Variants in DPP10 observed in about 807,000 individuals in gnomAD.
DPP10 encodes the protein inactive dipeptidyl peptidase 10.
A neutral mutation model predicts 120.9 loss-of-function variants in DPP10; 33 were observed. The observed-to-expected ratio is 0.27, with a 90% CI of 0.21 to 0.37. The LOEUF (loss-of-function observed/expected upper bound fraction) is 0.37. Ranked by LOEUF, DPP10 falls within the 10% of genes least tolerant of loss-of-function variation. The probability of loss-of-function intolerance (pLI) is 1.00; values close to 1 mark genes in which losing one functional copy is unlikely to be tolerated. For synonymous variants in DPP10, 337 were observed against 326.1 expected (o/e 1.03, Z -0.36); for missense variants, 816 against 942.8 (o/e 0.87, Z 1.76).
rs531347151 is a variant in DPP10, at chr2:115,183,958, G to A, written c.61-125281G>A. ...AAAGAACGCTAGTTGCAGAGCTCCT[G>A]GGGGAGACAGGAGGAGAGGTGCACA... On this transcript the variant is annotated intron_variant, in intron 1 of 25. Coordinates refer to ENST00000410059, the MANE Select transcript of DPP10 (RefSeq NM_020868.6). 3.9e-5 allele frequency among the ~76,000 whole-genome samples: 6 copies of A among 152,260 alleles called. No individual in the cohort carries two copies. The East Asian group carries it at 1.2e-3, about 29-fold the overall frequency.
At position 114,638,892 on chromosome 2, in the gene DPP10, C is replaced by G. The variant is rs181074800; in HGVS notation, c.60+196054C>G. Among the ~76,000 whole-genome samples the G allele has an allele frequency of 8.6e-5, 13 of 151,920 alleles. 1 individual carries two copies. The East Asian group carries it at 2.1e-3, about 25-fold the overall frequency. On this transcript the variant is annotated intron_variant, in intron 1 of 25. Transcript: ENST00000410059. ...CAAAACCATAGGAGCAAGTTAGGCG[C>G]CCATGAGTGGATTGGATAATGAAAA...
chr2:114,977,894 C>T (rs1334999249), intron 1 of DPP10, among the ~76,000 whole-genome samples: 1 of 146,468 alleles, frequency 6.8e-6, no homozygotes, highest in Non-Finnish European at 1.5e-5. Flanking sequence ...TATTTATTTG[C>T]TGATGGTGAA....
rs182938505 is a variant in DPP10 at position 115,358,031 on chromosome 2, G to A, written c.271+14119G>A. ...TTTTCTCCTAGCCCTCTGTGCCTGC[G>A]ATGGGAGGGGCTGCTGTGAAGGTCT... On this transcript the variant is annotated intron_variant, in intron 3 of 25. Transcript: ENST00000410059. Among the ~76,000 whole-genome samples, 1,277 of 152,196 alleles carry A rather than the reference G, an allele frequency of 8.4e-3. 17 individuals are homozygous for A. The highest frequency in any genetic ancestry group is 0.011 in the Non-Finnish European group (723 of 68,004).
chr2:115,833,313 T>G (rs1015058212), intron 21 of DPP10, among the ~76,000 whole-genome samples: 1 of 152,126 alleles, frequency 6.6e-6, no homozygotes, highest in Non-Finnish European at 1.5e-5. Context: ...ATGGTATTGT[T>G]AATAGAACCA....
chr2:115,000,395 A>G (rs1701362726), intron 1 of DPP10, among the ~76,000 whole-genome samples: 1 of 152,174 alleles, frequency 6.6e-6, no homozygotes, highest in Non-Finnish European at 1.5e-5. Context: ...CCGGGAGTCA[A>G]TAACTCCAGC....
chr2:114,559,838 A>T (rs77700401), intron 1 of DPP10, among the ~76,000 whole-genome samples: 1 of 150,050 alleles, frequency 6.7e-6, no homozygotes, highest in Non-Finnish European at 1.5e-5. Context: ...TAAAGAATAA[A>T]CTTCTTCCAG....
At chr2:114,455,283 G>A (rs530993414) in intron 1 of DPP10, among the ~76,000 whole-genome samples, 3 of 152,032 alleles carry the variant, frequency 2.0e-5, no homozygotes, top group East Asian at 1.9e-4. Context: ...AATGGCTCAC[G>A]CCTGTAATCC....
intron 2 of DPP10, among the ~76,000 whole-genome samples, chr2:115,323,236 A>C (rs562012284): frequency 6.6e-6 from 1 of 152,328 alleles, no homozygotes; most frequent in South Asian, 2.1e-4. Flanking sequence ...CATGTTAGCT[A>C]GGAGTAGATT....
intron 1 of DPP10, among the ~76,000 whole-genome samples, chr2:115,051,952 A>T (rs1396930): frequency 0.97 from 147,400 of 152,282 alleles, 71,542 homozygotes; most frequent in Middle Eastern, 1. Flanking sequence ...TACATATACA[A>T]TTTTTGTCAG....
intron 1 of DPP10, among the ~76,000 whole-genome samples, chr2:115,197,156 G>A (rs942532436): frequency 1.3e-5 from 2 of 152,146 alleles, no homozygotes; most frequent in African/African-American, 4.8e-5. Context: ...CACTTTGGGA[G>A]GCCGAGGAGG....
chr2:115,734,891 G>C (rs182564867), intron 8 of DPP10, among the ~76,000 whole-genome samples: 1 of 151,926 alleles, frequency 6.6e-6, no homozygotes, highest in African/African-American at 2.4e-5. Context: ...AGCTATGAAG[G>C]GGCCCCTTAT....
chr2:114,482,859 C>T (rs1252396616), intron 1 of DPP10, among the ~76,000 whole-genome samples: 2 of 152,146 alleles, frequency 1.3e-5, no homozygotes, highest in Non-Finnish European at 2.9e-5. Flanking sequence ...TGCTCAGTCA[C>T]CTGGATCCAC....
intron 1 of DPP10, among the ~76,000 whole-genome samples, chr2:114,851,200 A>C (rs986096949): frequency 6.6e-6 from 1 of 152,178 alleles, no homozygotes; most frequent in African/African-American, 2.4e-5. Context: ...ATTTAGGCTC[A>C]TATCATTTGT....
At chr2:114,573,130 A>G (rs1010186248) in intron 1 of DPP10, among the ~76,000 whole-genome samples, 2 of 152,102 alleles carry the variant, frequency 1.3e-5, no homozygotes, top group African/African-American at 4.8e-5. Context: ...CTACAGGCAC[A>G]TGCCACCATG....
chr2:114,592,889 C>T (rs1372483732), intron 1 of DPP10, among the ~76,000 whole-genome samples: 1 of 152,132 alleles, frequency 6.6e-6, no homozygotes, highest in Non-Finnish European at 1.5e-5. Context: ...CTCTAGAATT[C>T]ATGTTCATAA....
intron 1 of DPP10, among the ~76,000 whole-genome samples, chr2:115,297,540 T>C (rs946856464): frequency 6.6e-6 from 1 of 152,012 alleles, no homozygotes; most frequent in Non-Finnish European, 1.5e-5. Flanking sequence ...AGTTTCTGGG[T>C]TTGTTATATT....
At chr2:114,964,298 T>C (rs1322837509) in intron 1 of DPP10, among the ~76,000 whole-genome samples, 1 of 152,194 alleles carries the variant, frequency 6.6e-6, no homozygotes, top group East Asian at 1.9e-4. Flanking sequence ...GCATCTAGCA[T>C]GTACCAGACA....
chr2:114,791,570 A>G (rs571484418), intron 1 of DPP10, among the ~76,000 whole-genome samples: 121 of 152,270 alleles, frequency 7.9e-4, no homozygotes, highest in African/African-American at 2.9e-3. Flanking sequence ...TGGTTTGAAA[A>G]TAAGTTTTCT....
At chr2:115,840,688 T>C (rs1690050686) in intron 24 of DPP10, 62 bp from the exon 25 acceptor site, 1 of 1,486,368 alleles carries the variant, frequency 6.7e-7, no homozygotes, top group African/African-American at 1.4e-5. Context: ...TGAAAAATAA[T>C]ATGAAAAAGT....
Sources: gnomAD v4.1 joint callset for allele counts (sites outside exome capture counted in the v4.1 genomes callset) on GRCh38, gnomAD v4.1.1 for gene constraint, MANE v1.5 for transcripts, NCBI Gene and HGNC (gene_info 2026-07-23, HGNC 2026-07-21) for gene names.